GALNT13: variants seen among roughly 807,000 people sequenced by gnomAD.
The protein encoded by GALNT13 is polypeptide N-acetylgalactosaminyltransferase 13.
A neutral mutation model predicts 64.2 loss-of-function variants in GALNT13; 28 were observed. The ratio of observed to expected loss-of-function variants is 0.44; its 90% CI spans 0.32 to 0.60. GALNT13 has a LOEUF of 0.60. Ranked by LOEUF, GALNT13 falls within the 20% of genes least tolerant of loss-of-function variation. The probability of loss-of-function intolerance (pLI) is 0.05; values close to 1 mark genes in which losing one functional copy is unlikely to be tolerated. For missense variants in GALNT13, 577 were observed against 669.8 expected (o/e 0.86, Z 1.53); for synonymous variants, 214 against 224.6 (o/e 0.95, Z 0.42).
the GALNT13 span, among the ~76,000 whole-genome samples, chr2:153,558,546 C>T: frequency 6.6e-6 from 1 of 151,862 alleles, no homozygotes; most frequent in Non-Finnish European, 1.5e-5. Flanking sequence ...GCAAATTGAG[C>T]TTTGCTGTCT....
chr2:153,154,825 C>T, the GALNT13 span, among the ~76,000 whole-genome samples: 1 of 152,164 alleles, frequency 6.6e-6, no homozygotes, highest in South Asian at 2.1e-4. Flanking sequence ...GGGAATGCTT[C>T]CAGCTTTTGC....
At chr2:153,790,611 G>T in the GALNT13 span, among the ~76,000 whole-genome samples, 1 of 152,086 alleles carries the variant, frequency 6.6e-6, no homozygotes, top group African/African-American at 2.4e-5. Context: ...GAGCAATCAG[G>T]CAAGAGGAAG....
chr2:153,221,160 G>C, the GALNT13 span, among the ~76,000 whole-genome samples: 9 of 152,098 alleles, frequency 5.9e-5, no homozygotes, highest in Non-Finnish European at 1.2e-4. Flanking sequence ...AAACAGAAAA[G>C]ACATTGTCAG....
intron 2 of GALNT13, among the ~76,000 whole-genome samples, chr2:153,940,843 C>T (rs940435072): frequency 2.6e-5 from 4 of 152,084 alleles, no homozygotes; most frequent in African/African-American, 4.8e-5. Flanking sequence ...AAAACATTTG[C>T]TCCCATTACA....
At chr2:154,444,677 AGATGTAGACATT>A (rs1701473830) in intron 12 of GALNT13, among the ~76,000 whole-genome samples, 1 of 152,136 alleles carries the variant, frequency 6.6e-6, no homozygotes, top group Admixed American at 6.6e-5. Context: ...AAATAATGAC[AGATGTAGACATT>A]GATGTTCAGA....
intron 3 of GALNT13, among the ~76,000 whole-genome samples, chr2:154,065,801 A>C (rs957520213): frequency 1.3e-5 from 2 of 152,162 alleles, no homozygotes; most frequent in African/African-American, 2.4e-5. Flanking sequence ...ATTAATTCTG[A>C]ATTCTGTAAT....
rs376900512 is a variant in GALNT13 at position 154,051,395 on chromosome 2, A to G, written c.143-88942A>G. Among the ~76,000 whole-genome samples the G allele has an allele frequency of 7.9e-3, 1,129 of 142,090 alleles. 7 individuals carry two copies. The highest frequency in any genetic ancestry group is 0.021 in the Middle Eastern group (5 of 236). The allele number at this position is 142,090 out of a possible 152,430, so 93.2% of individuals were successfully genotyped here. A position where few individuals can be genotyped will look rare whatever the true frequency, so the allele number is the denominator to read the frequency against. On this transcript the variant is annotated intron_variant, in intron 3 of 12. Transcript: ENST00000392825. The stretch of plus-strand genomic sequence containing the variant: ...AAGCTCCGCTTCCCGGGTTCACGCC[A>G]TTCTCCTGCCTCAGCCTCCCGAGTA...
chr2:153,091,142 C>G, the GALNT13 span, among the ~76,000 whole-genome samples: 1 of 152,042 alleles, frequency 6.6e-6, no homozygotes, highest in Non-Finnish European at 1.5e-5. Context: ...AAAATTTGTG[C>G]CTAGTCGAAA....
chr2:153,247,459 A>G, the GALNT13 span, among the ~76,000 whole-genome samples: 1 of 152,350 alleles, frequency 6.6e-6, no homozygotes. Flanking sequence ...AGTGCAATCA[A>G]ATTAGAACTC....
the GALNT13 span, among the ~76,000 whole-genome samples, chr2:153,704,419 C>G: frequency 6.6e-6 from 1 of 152,124 alleles, no homozygotes; most frequent in Non-Finnish European, 1.5e-5. Context: ...TTCAAATTAC[C>G]TCTAATTTTA....
the GALNT13 span, among the ~76,000 whole-genome samples, chr2:153,770,772 C>T: frequency 6.6e-6 from 1 of 152,274 alleles, no homozygotes; most frequent in South Asian, 2.1e-4. Context: ...GTCTGAGCTC[C>T]GTGCTCAGCC....
At chr2:154,217,675 A>G (rs1204357798) in intron 4 of GALNT13, among the ~76,000 whole-genome samples, 1 of 152,176 alleles carries the variant, frequency 6.6e-6, no homozygotes, top group African/African-American at 2.4e-5. Context: ...CAGTGACATG[A>G]GAATTATGCA....
At chr2:153,692,991 TA>T in the GALNT13 span, among the ~76,000 whole-genome samples, 1 of 152,066 alleles carries the variant, frequency 6.6e-6, no homozygotes, top group Admixed American at 6.6e-5. Flanking sequence ...CTCCCAACAT[TA>T]AAAAAAGGCT....
chr2:154,368,847 T>C (rs1359332889), intron 9 of GALNT13, among the ~76,000 whole-genome samples: 1 of 152,134 alleles, frequency 6.6e-6, no homozygotes, highest in Non-Finnish European at 1.5e-5. Context: ...TAAGAGATGT[T>C]GAGGGGTAAC....
the GALNT13 span, among the ~76,000 whole-genome samples, chr2:153,847,652 G>C: frequency 1.9e-4 from 29 of 152,082 alleles, no homozygotes; most frequent in Non-Finnish European, 1.8e-4. Context: ...AATTATAACA[G>C]AAATTAGAAA....
chr2:154,413,752 A>G (rs1262560115), intron 11 of GALNT13, among the ~76,000 whole-genome samples: 1 of 152,078 alleles, frequency 6.6e-6, no homozygotes, highest in Admixed American at 6.6e-5. Flanking sequence ...TGAAAACCCG[A>G]TAATTTAGCT....
At chr2:153,642,196 T>A in the GALNT13 span, among the ~76,000 whole-genome samples, 2 of 152,010 alleles carry the variant, frequency 1.3e-5, no homozygotes, top group African/African-American at 2.4e-5. Context: ...TTAGTCTATT[T>A]ATTCCAGGCT....
the GALNT13 span, among the ~76,000 whole-genome samples, chr2:153,728,131 A>G: frequency 6.6e-6 from 1 of 151,180 alleles, no homozygotes; most frequent in East Asian, 1.9e-4. Flanking sequence ...CATTTTCTTT[A>G]TTCAGTCTAT....
chr2:153,872,459 C>A (rs1686018242), intron 1 of GALNT13, among the ~76,000 whole-genome samples, 156 bp downstream of exon 1: 1 of 149,576 alleles, frequency 6.7e-6, no homozygotes, highest in South Asian at 2.1e-4. Flanking sequence ...AGGGCAAAGG[C>A]AGGGGCGCGG....
Sources: allele counts gnomAD v4.1 joint callset (sites outside exome capture counted in the v4.1 genomes callset), GRCh38; gene constraint gnomAD v4.1.1; transcripts MANE v1.5; gene names NCBI Gene and HGNC (gene_info 2026-07-23, HGNC 2026-07-21).